HYDIN: variants seen among roughly 807,000 people sequenced by gnomAD.
The protein encoded by HYDIN is axonemal central pair apparatus protein HYDIN.
Under a neutral mutation model 403.9 loss-of-function variants are expected in HYDIN, and 132 were observed. The ratio of observed to expected loss-of-function variants is 0.33; its 90% CI spans 0.28 to 0.38. HYDIN has a LOEUF of 0.38. HYDIN is among the 10% of genes least tolerant of loss of function. The pLI is 1.00. For synonymous variants in HYDIN, 1,202 were observed against 1,891.7 expected, an observed-to-expected ratio of 0.64 and a Z score of 9.46; for missense variants, 2,827 against 5,009.5, an observed-to-expected ratio of 0.56 and a Z score of 13.15.
At chr16:70,831,583 T>G (rs1448043232) in intron 80 of HYDIN, among the ~76,000 whole-genome samples, 2 of 99,106 alleles carry the variant, frequency 2.0e-5, no homozygotes, top group South Asian at 3.2e-4. Context: ...AGCCGGTGAG[T>G]AGGAAGAAAC....
rs541550418 is a variant in HYDIN at position 71,126,272 on chromosome 16, T to C, written c.1227+3368A>G. ...AATTGGAAACATTCTCCAACATTGC[T>C]TGAAGTCAAGTGTTCATGTAGGGAA... On this transcript the variant is annotated intron_variant, in intron 9 of 85. Coordinates refer to ENST00000393567, the MANE Select transcript of HYDIN (RefSeq NM_001270974.2). 3.9e-5 allele frequency among the ~76,000 whole-genome samples: 6 copies of C among 152,318 alleles called. No individual in the cohort carries two copies. The South Asian group carries it at 1.2e-3, about 32-fold the overall frequency.
intron 5 of HYDIN, among the ~76,000 whole-genome samples, chr16:71,163,576 A>G (rs1243645432): frequency 2.6e-5 from 4 of 152,124 alleles, no homozygotes; most frequent in African/African-American, 7.2e-5. Flanking sequence ...GACCTCAAGA[A>G]GCTTTGGGTC....
At chr16:70,810,097 G>T in intron 84 of HYDIN, 90 bp from the exon 85 acceptor site, 1 of 1,226,492 alleles carries the variant, frequency 8.2e-7, no homozygotes, top group Non-Finnish European at 1.2e-6. Flanking sequence ...ATAGCAGGTT[G>T]GGGGCAGAAA....
At chr16:71,230,439 G>A (rs185074899) in intron 1 of HYDIN, 123 bp downstream of exon 1, 3 of 1,170,542 alleles carry the variant, frequency 2.6e-6, no homozygotes, top group South Asian at 1.7e-5. Context: ...GAGGGGAGGG[G>A]TCTGGAAAGT....
chr16:70,958,447 G>A (rs1330926828), intron 39 of HYDIN, among the ~76,000 whole-genome samples: 2 of 152,184 alleles, frequency 1.3e-5, no homozygotes, highest in East Asian at 3.9e-4. Flanking sequence ...CCAGGTCAGT[G>A]CCTTTTTGGT....
chr16:70,883,468 A>G (rs943638395), intron 59 of HYDIN, among the ~76,000 whole-genome samples: 5 of 152,164 alleles, frequency 3.3e-5, no homozygotes, highest in African/African-American at 1.2e-4. Flanking sequence ...CTGGAAAAAT[A>G]CAACTGAAGA....
intron 73 of HYDIN, among the ~76,000 whole-genome samples, chr16:70,853,603 C>G (rs1798318): frequency 0.15 from 20,253 of 133,080 alleles, 3,501 homozygotes; most frequent in African/African-American, 0.45. Context: ...ATCACAAAAG[C>G]AATGTATGTG....
At chr16:71,049,163 G>T (rs966143502) in intron 18 of HYDIN, among the ~76,000 whole-genome samples, 1 of 152,264 alleles carries the variant, frequency 6.6e-6, no homozygotes, top group Non-Finnish European at 1.5e-5. Context: ...CTGGGCTCTA[G>T]GTTCTGAAAC....
At chr16:71,206,535 A>T (rs2088308795) in intron 1 of HYDIN, among the ~76,000 whole-genome samples, 1 of 152,196 alleles carries the variant, frequency 6.6e-6, no homozygotes, top group Non-Finnish European at 1.5e-5. Flanking sequence ...CTTTCCTCCC[A>T]ACCACACTAG....
chr16:70,893,142 T>C (rs1004613249), intron 55 of HYDIN, among the ~76,000 whole-genome samples: 3 of 152,190 alleles, frequency 2.0e-5, no homozygotes, highest in Non-Finnish European at 4.4e-5. Context: ...GGCTGCCCAA[T>C]TACCTGCACC....
chr16:70,934,390 G>C (rs2077439759), intron 45 of HYDIN, among the ~76,000 whole-genome samples: 1 of 152,106 alleles, frequency 6.6e-6, no homozygotes, highest in African/African-American at 2.4e-5. Context: ...AAGCCTGTGA[G>C]AAGAGCTGAA....
chr16:71,221,701 A>G (rs2089209305), intron 1 of HYDIN, among the ~76,000 whole-genome samples: 2 of 152,270 alleles, frequency 1.3e-5, no homozygotes. Flanking sequence ...GATAGCATCT[A>G]CTTCAACAAT....
chr16:70,907,573 A>G, intron 49 of HYDIN, 82 bp from the exon 50 acceptor site: 1 of 349,162 alleles, frequency 2.9e-6, no homozygotes, highest in Non-Finnish European at 5.1e-6. Context: ...CATAAACCCA[A>G]TATTCCCTGC....
Position 71,056,130 on chromosome 16 carries a change from T to G in HYDIN, c.2529+4374A>C, listed in dbSNP as rs1159060113. ...CCGTTCCCACATTCTGAGATTTGTT[T>G]TTTTTTTTTTTTTTTTTTACTCCTT... is the stretch of plus-strand genomic sequence containing the variant. On this transcript the variant is annotated intron_variant, in intron 18 of 85. Transcript: ENST00000393567. Among the ~76,000 whole-genome samples the G allele has an allele frequency of 2.7e-5, 4 of 149,072 alleles. No individual in the cohort carries two copies. In the East Asian group the frequency reaches 5.8e-4, roughly 22 times the overall value.
intron 10 of HYDIN, among the ~76,000 whole-genome samples, chr16:71,110,741 C>A (rs1597800906): frequency 6.8e-6 from 1 of 147,228 alleles, no homozygotes; most frequent in East Asian, 2.0e-4. Context: ...CATTCCTAGA[C>A]TGCCTGAGCC....
intron 72 of HYDIN, among the ~76,000 whole-genome samples, chr16:70,855,908 T>A (rs1490163287): frequency 6.6e-6 from 1 of 152,286 alleles, no homozygotes; most frequent in Non-Finnish European, 1.5e-5. Flanking sequence ...TACTCAAAAT[T>A]ATTAATTGCT....
In HYDIN at chr16:70,976,259, T is replaced by C. The variant is rs563238535; in HGVS notation, c.4639-990A>G. On this transcript the variant is annotated intron_variant, in intron 30 of 85. Coordinates refer to ENST00000393567, the MANE Select transcript of HYDIN (RefSeq NM_001270974.2). ...GTTGGCTCTATAGGAGGGGCAGACT[T>C]CCTTCTGTCTTTGCAATCTCTCAGC... 2.3e-3 allele frequency among the ~76,000 whole-genome samples: 351 copies of C among 152,366 alleles called. 9 individuals carry two copies. In the South Asian group the frequency reaches 0.069, roughly 30 times the overall value.
chr16:70,902,811 ATATATATATATTTTTT>A (rs200104109), intron 52 of HYDIN, among the ~76,000 whole-genome samples: 1 of 33,394 alleles, frequency 3.0e-5, no homozygotes, highest in Non-Finnish European at 5.6e-5. Context: ...ATATATATAT[ATATATATATATTTTTT>A]TTTTTTTTTT....
At chr16:70,980,018 T>G (rs1228636906) in intron 29 of HYDIN, among the ~76,000 whole-genome samples, 1 of 151,712 alleles carries the variant, frequency 6.6e-6, no homozygotes, top group Non-Finnish European at 1.5e-5. Flanking sequence ...ACCCAACTAA[T>G]GGTGTTCAAA....
Sources: gnomAD v4.1 joint callset for allele counts (sites outside exome capture counted in the v4.1 genomes callset) on GRCh38, gnomAD v4.1.1 for gene constraint, MANE v1.5 for transcripts, NCBI Gene and HGNC (gene_info 2026-07-23, HGNC 2026-07-21) for gene names.